The following TG variants were observed in gnomAD, a reference collection of about 807,000 sequenced individuals.
The protein encoded by TG is thyroglobulin, also known as thyroid hormones.
TG carries 270 observed loss-of-function variants against 324.7 expected under a neutral mutation model. The observed-to-expected ratio is 0.83, with a 90% confidence interval of 0.75 to 0.92. The LOEUF (loss-of-function observed/expected upper bound fraction) is 0.92, where lower values mean the gene tolerates loss of function less well. Among genes scored for constraint, TG ranks in the 40% least tolerant of loss-of-function variants. TG has a pLI of 0.00. For missense variants in TG, 3,591 were observed against 3,456.4 expected (o/e 1.04, Z -0.98); for synonymous variants, 1,401 against 1,327.0 (o/e 1.06, Z -1.21).
At chr8:133,026,347 G>A (rs569578434) in intron 40 of TG, among the ~76,000 whole-genome samples, 44 of 152,306 alleles carry the variant, frequency 2.9e-4, no homozygotes, top group Non-Finnish European at 1.2e-4. Context: ...CTAGACAAAC[G>A]CATGCTCTCT....
At chr8:132,958,357 GTCTATCTATCTATCTATCTA>G (rs34949600) in intron 27 of TG, among the ~76,000 whole-genome samples, 3 of 151,216 alleles carry the variant, frequency 2.0e-5, no homozygotes, top group South Asian at 4.2e-4. Flanking sequence ...CTATCTATCT[GTCTATCTATCTATCTATCTA>G]TCTATCTATC....
In TG at chr8:132,888,009, T is replaced by C; in HGVS notation, c.2202T>C (p.Ser734=). The C allele has an allele frequency of 6.2e-7, 1 of 1,614,086 alleles. No homozygotes were observed. Among genetic ancestry groups the C allele is most frequent in the Non-Finnish European group, 8.5e-7 (1 of 1,180,004 alleles). The change falls in exon 10 of 48, where the codon TCT becomes TCC. Residue 734 remains serine, a synonymous_variant. Coordinates refer to ENST00000220616, the MANE Select transcript of TG (RefSeq NM_003235.5). ...GCCCCACGCCCTGTCAATTACAGTC[T>C]GAGCAAGCTTTCCTCAGGACGGTGC... ...KKCPTPCQLQ[S]EQAFLRTVQA...
chr8:133,074,436 T>C (rs984535991), intron 41 of TG, among the ~76,000 whole-genome samples: 1 of 152,196 alleles, frequency 6.6e-6, no homozygotes, highest in African/African-American at 2.4e-5. Flanking sequence ...CACTTTGCCC[T>C]ATACCTGTGT....
intron 20 of TG, among the ~76,000 whole-genome samples, chr8:132,918,338 G>A (rs1250969979): frequency 6.6e-6 from 1 of 152,020 alleles, no homozygotes; most frequent in Non-Finnish European, 1.5e-5. Context: ...TGAATTTGGA[G>A]GCCACTTGAA....
Position 133,050,006 on chromosome 8 carries a change from G to A in TG, c.7239+19983G>A, listed in dbSNP as rs762741795. On this transcript the variant is annotated intron_variant, in intron 41 of 47. Transcript: ENST00000220616. ...CCCCTTCACTGTAAGAACAAGAACA[G>A]AGAAGAACACAGAGATAGGTAAATA... 17 of 1,554,014 alleles carry A rather than the reference G, an allele frequency of 1.1e-5. No homozygotes were observed. The South Asian group carries it at 1.8e-4, about 16-fold the overall frequency.
intron 35 of TG, among the ~76,000 whole-genome samples, chr8:132,990,203 A>G (rs997622740): frequency 6.7e-6 from 1 of 150,270 alleles, no homozygotes; most frequent in African/African-American, 2.4e-5. Flanking sequence ...ACGTATACAC[A>G]CCCATGTATA....
intron 45 of TG, 121 bp downstream of exon 45, chr8:133,116,837 A>G: frequency 1.2e-6 from 1 of 835,772 alleles, no homozygotes; most frequent in Non-Finnish European, 2.0e-6. Context: ...GAGAAATAGA[A>G]ATAATTGTAG....
chr8:133,104,135 T>A (rs1849583598), intron 43 of TG, among the ~76,000 whole-genome samples: 1 of 151,988 alleles, frequency 6.6e-6, no homozygotes, highest in Non-Finnish European at 1.5e-5. Flanking sequence ...GTCCTGGCTG[T>A]TTGGGGGTCA....
At chr8:132,968,961 A>G (rs1366983028) in intron 31 of TG, among the ~76,000 whole-genome samples, 1 of 152,158 alleles carries the variant, frequency 6.6e-6, no homozygotes, top group Non-Finnish European at 1.5e-5. Context: ...TGTCGTCCTG[A>G]GAGAACGAAC....
At chr8:132,896,282 C>A (rs991260644) in intron 11 of TG, among the ~76,000 whole-genome samples, 1 of 152,202 alleles carries the variant, frequency 6.6e-6, no homozygotes, top group Non-Finnish European at 1.5e-5. Context: ...CAGAAGGAGG[C>A]CTGGCAGACT....
At chr8:132,980,905 T>C (rs1030111325) in intron 34 of TG, among the ~76,000 whole-genome samples, 23 of 150,170 alleles carry the variant, frequency 1.5e-4, no homozygotes, top group Admixed American at 4.6e-4. Flanking sequence ...GTAGGCCCTA[T>C]CTCATCAGAT....
chr8:133,066,081 T>G (rs1340313090), intron 41 of TG, among the ~76,000 whole-genome samples: 13 of 151,866 alleles, frequency 8.6e-5, no homozygotes, highest in Non-Finnish European at 1.8e-4. Flanking sequence ...AGCTGTTACT[T>G]AGGAGGCTGA....
rs774142193 is a variant in TG at position 132,919,395 on chromosome 8, C to G, written c.4398C>G (p.Ser1466Arg). Residue 1466 changes from serine (S) to arginine (R), a missense_variant, in exon 21 of 48, where the codon AGC (serine) becomes AGG (arginine). Transcript: ENST00000220616. ...TTCTAGTTAAGTGTCCTGAAGGAAGCTATTCCCAAGATGAGGAATGCATTC... is the reference window on the plus strand; with the variant it reads ...TTCTAGTTAAGTGTCCTGAAGGAAGGTATTCCCAAGATGAGGAATGCATTC... ...GLGCVKCPEG[S>R]YSQDEECIPC... is the part of the protein sequence containing the mutation. 6.2e-7 allele frequency: 1 copy of G among 1,614,090 alleles called. No homozygotes were observed. Among genetic ancestry groups the G allele is most frequent in the Non-Finnish European group, 8.5e-7 (1 of 1,179,988 alleles).
In TG at chr8:132,913,247, C is replaced by A. The variant is rs770534867; in HGVS notation, c.4360C>A (p.Gln1454Lys). 3.1e-6 allele frequency: 5 copies of A among 1,614,158 alleles called. No homozygotes were observed. Among genetic ancestry groups the A allele is most frequent in the South Asian group, 1.1e-5 (1 of 91,054 alleles). ...CCAAGTCTTGACAAGTGAGGCCAGT[C>A]AGGACGGACTGGGATGCGGTAGGTC... ...FYQVLTSEASQDGLGCVKCPE... is the reference protein window; with the variant it reads ...FYQVLTSEASKDGLGCVKCPE... The change falls in exon 20 of 48, where the codon CAG becomes AAG. Residue 1454 changes from glutamine to lysine, a missense_variant. Transcript: ENST00000220616.
intron 43 of TG, among the ~76,000 whole-genome samples, chr8:133,108,449 A>C (rs1045562169): frequency 5.9e-5 from 9 of 152,154 alleles, no homozygotes; most frequent in Admixed American, 5.9e-4. Flanking sequence ...AATATCTAAC[A>C]ACAAAGACAA....
chr8:132,968,845 G>A (rs939377084), intron 31 of TG, among the ~76,000 whole-genome samples: 7 of 152,162 alleles, frequency 4.6e-5, no homozygotes, highest in Non-Finnish European at 7.3e-5. Flanking sequence ...ATGTCGGGGG[G>A]ACACCTCAAT....
chr8:132,907,648 AT>A (rs1587354237), intron 17 of TG, among the ~76,000 whole-genome samples: 1 of 152,146 alleles, frequency 6.6e-6, no homozygotes, highest in African/African-American at 2.4e-5. Context: ...TCAAAATGTG[AT>A]TTGAATAAAT....
intron 35 of TG, among the ~76,000 whole-genome samples, chr8:133,010,388 A>G (rs1834401762): frequency 6.6e-6 from 1 of 152,258 alleles, no homozygotes. Flanking sequence ...AACACAAGGT[A>G]AATGCTACCA....
chr8:132,996,319 A>G (rs1405625814), intron 35 of TG, among the ~76,000 whole-genome samples: 1 of 152,232 alleles, frequency 6.6e-6, no homozygotes, highest in Non-Finnish European at 1.5e-5. Context: ...AATTGACTCA[A>G]TAATTATTTA....
Sources: gnomAD v4.1 joint callset for allele counts (sites outside exome capture counted in the v4.1 genomes callset) on GRCh38, gnomAD v4.1.1 for gene constraint, MANE v1.5 for transcripts, NCBI Gene and HGNC (gene_info 2026-07-23, HGNC 2026-07-21) for gene names.